MAP3K9: variants seen among roughly 807,000 people sequenced by gnomAD.
The protein encoded by MAP3K9 is mitogen-activated protein kinase kinase kinase 9.
MAP3K9 carries 46 observed loss-of-function variants against 95.8 expected under a neutral mutation model. The ratio of observed to expected loss-of-function variants is 0.48; its 90% CI spans 0.38 to 0.61. The LOEUF (loss-of-function observed/expected upper bound fraction) is 0.61, where lower values mean the gene tolerates loss of function less well. Ranked by LOEUF, MAP3K9 falls within the 20% of genes least tolerant of loss-of-function variation. MAP3K9 has a pLI of 0.00. For missense variants in MAP3K9, 1,296 were observed against 1,474.3 expected (o/e 0.88, Z 1.98); for synonymous variants, 533 against 593.8 (o/e 0.90, Z 1.49).
Position 70,725,723 on chromosome 14 carries a change from C to T in MAP3K9, c.*4657G>A, listed in dbSNP as rs2053811098. ...TAACAATAGTATACCTTGACAAAGA[C>T]AAGTCATTCTCAGACCTAAAGCCAA... On this transcript the variant is annotated 3_prime_UTR_variant, in exon 12 of 12. Coordinates refer to ENST00000554752, the MANE Select transcript of MAP3K9 (RefSeq NM_001284230.2). The T allele has an allele frequency of 6.6e-6, 1 of 152,160 alleles. No homozygotes were observed. The highest frequency in any genetic ancestry group is 2.4e-5 in the African/African-American group (1 of 41,426). 9.4% of individuals were successfully genotyped at this position (152,160 alleles called of 1,614,324 possible).
At chr14:70,759,147 A>G (rs1222415504) in intron 3 of MAP3K9, among the ~76,000 whole-genome samples, 3 of 152,156 alleles carry the variant, frequency 2.0e-5, no homozygotes, top group Non-Finnish European at 4.4e-5. Flanking sequence ...TTGGATGATA[A>G]AAATGTTCTG....
intron 10 of MAP3K9, 82 bp from the exon 11 acceptor site, chr14:70,733,424 C>T (rs750388154): frequency 1.5e-6 from 1 of 648,356 alleles, no homozygotes; most frequent in East Asian, 2.7e-5. Context: ...TTCCCCTCAC[C>T]CCAGGCCTCC....
intron 2 of MAP3K9, chr14:70,783,225 G>T: frequency 3.1e-6 from 3 of 980,426 alleles, no homozygotes; most frequent in Non-Finnish European, 3.6e-6. Flanking sequence ...AGACTCACAT[G>T]TTAGAAGCCC....
intron 2 of MAP3K9, among the ~76,000 whole-genome samples, chr14:70,773,735 T>C (rs1040812083): frequency 6.6e-6 from 1 of 152,194 alleles, no homozygotes. Flanking sequence ...TCTTGGACCA[T>C]GAGGACATGA....
intron 9 of MAP3K9, 148 bp from the exon 10 acceptor site, chr14:70,734,646 G>A (rs1398065056): frequency 1.7e-6 from 1 of 601,552 alleles, no homozygotes; most frequent in Non-Finnish European, 3.0e-6. Flanking sequence ...CTCTTACCAA[G>A]CCCACCTGCT....
At chr14:70,739,168 C>T (rs903388746) in intron 7 of MAP3K9, among the ~76,000 whole-genome samples, 28 of 152,304 alleles carry the variant, frequency 1.8e-4, no homozygotes, top group Admixed American at 9.1e-4. Flanking sequence ...CTCACTCTGT[C>T]GCCCATGCTG....
intron 2 of MAP3K9, among the ~76,000 whole-genome samples, chr14:70,780,282 A>G (rs1256842874): frequency 2.0e-5 from 3 of 152,212 alleles, no homozygotes; most frequent in Admixed American, 2.0e-4. Flanking sequence ...GGAGGATAGA[A>G]GGAGACATGA....
At chr14:70,751,508 C>T (rs1286390272) in intron 3 of MAP3K9, among the ~76,000 whole-genome samples, 2 of 152,172 alleles carry the variant, frequency 1.3e-5, no homozygotes. Flanking sequence ...CACTTGAGGT[C>T]AGGAGTTCAA....
intron 5 of MAP3K9, among the ~76,000 whole-genome samples, chr14:70,743,740 C>T (rs926771283): frequency 7.2e-5 from 11 of 152,200 alleles, no homozygotes; most frequent in Non-Finnish European, 8.8e-5. Context: ...AACAGGAATG[C>T]TTTTACACTG....
chr14:70,766,670 G>C (rs1035330562), intron 2 of MAP3K9, among the ~76,000 whole-genome samples: 3 of 152,160 alleles, frequency 2.0e-5, no homozygotes, highest in African/African-American at 7.2e-5. Context: ...CTCCAAACCA[G>C]ACACAGAAAG....
intron 2 of MAP3K9, chr14:70,783,171 C>G: frequency 1.4e-6 from 1 of 700,008 alleles, no homozygotes; most frequent in Non-Finnish European, 1.8e-6. Context: ...TAAAATTGGC[C>G]AGATTCATGG....
At chr14:70,756,038 T>C (rs2054294008) in intron 3 of MAP3K9, among the ~76,000 whole-genome samples, 1 of 152,146 alleles carries the variant, frequency 6.6e-6, no homozygotes, top group Non-Finnish European at 1.5e-5. Flanking sequence ...TTTAGGATCA[T>C]GGTTATAGGG....
At position 70,728,946 on chromosome 14, in the gene MAP3K9, A is replaced by G. The variant is rs912287810; in HGVS notation, c.*1434T>C. The G allele has an allele frequency of 1.3e-5, 2 of 152,262 alleles. No individual in the cohort carries two copies. The highest frequency in any genetic ancestry group is 4.8e-5 in the African/African-American group (2 of 41,462). 9.4% of individuals were successfully genotyped at this position (152,262 alleles called of 1,614,324 possible). A position where few individuals can be genotyped will look rare whatever the true frequency, so the allele number is the denominator to read the frequency against. On this transcript the variant is annotated 3_prime_UTR_variant, in exon 12 of 12. Transcript: ENST00000554752. Reference sequence around the variant, plus strand: ...CCCACATAAAGACAACTGTTCACACATAACACAGGAGGCCTCAGAGTAGTG... The same window carrying G: ...CCCACATAAAGACAACTGTTCACACGTAACACAGGAGGCCTCAGAGTAGTG...
chr14:70,733,177 G>C lies in MAP3K9; in HGVS notation c.2192C>G (p.Pro731Arg), dbSNP rs2053936286. The C allele has an allele frequency of 6.2e-7, 1 of 1,610,874 alleles. No individual in the cohort carries two copies. Among genetic ancestry groups the C allele is most frequent in the Non-Finnish European group, 8.5e-7 (1 of 1,177,702 alleles). The change falls in exon 11 of 12, where the codon CCT (proline) becomes CGT (arginine). Residue 731 changes from proline to arginine, a missense_variant. Physicochemically the swap from Pro to Arg is moderately radical, Grantham distance 103. Around this residue, in one of 5 missense-constraint regions of MAP3K9, gnomAD observed 377 missense variants for 417.1 expected, o/e 0.90. Coordinates refer to ENST00000554752, the MANE Select transcript of MAP3K9 (RefSeq NM_001284230.2). ...PTPVNSATST[P>R]QLTPTNSLKR... ...GAGGCTGTTGGTTGGCGTCAGCTGAGGGGTACTCGTGGCCGAGTTGACTGG... is the reference window on the plus strand; with the variant it reads ...GAGGCTGTTGGTTGGCGTCAGCTGACGGGTACTCGTGGCCGAGTTGACTGG...
rs28641013 is a variant in MAP3K9 at position 70,745,670 on chromosome 14, G to A, written c.1327-3079C>T. On this transcript the variant is annotated intron_variant, in intron 5 of 11. Transcript: ENST00000554752. ...GGAGAATTGCTTGAACCCGGGAGGT[G>A]GAGGTTGCAGTGAGCCGAGATCATG... 2.9e-3 allele frequency among the ~76,000 whole-genome samples: 443 copies of A among 151,970 alleles called. 1 individual carries two copies. Among genetic ancestry groups the A allele is most frequent in the African/African-American group, 0.01 (416 of 41,434 alleles).
At position 70,730,351 on chromosome 14, in the gene MAP3K9, C is replaced by G. The variant is rs1231223330; in HGVS notation, c.*29G>C. 2 of 1,581,982 alleles carry G rather than the reference C, an allele frequency of 1.3e-6. No individual in the cohort carries two copies. The highest frequency in any genetic ancestry group is 4.5e-5 in the East Asian group (2 of 44,302). On this transcript the variant is annotated 3_prime_UTR_variant, in exon 12 of 12. Transcript: ENST00000554752. Reference sequence around the variant, plus strand: ...AGCTCCCCTCATCTCCGCTGGCTGTCCCCCTTGCCCGCCCCAATCCTTTTC... The same window carrying G: ...AGCTCCCCTCATCTCCGCTGGCTGTGCCCCTTGCCCGCCCCAATCCTTTTC...
chr14:70,784,058 C>T (rs981552562), intron 2 of MAP3K9, among the ~76,000 whole-genome samples: 4 of 152,084 alleles, frequency 2.6e-5, no homozygotes, highest in Admixed American at 2.6e-4. Flanking sequence ...CCGAGGCAGG[C>T]AGATAGCCTG....
intron 9 of MAP3K9, 28 bp downstream of exon 9, chr14:70,735,933 C>T (rs4141095): frequency 0.89 from 1,361,557 of 1,529,088 alleles, 607,387 homozygotes; most frequent in Middle Eastern, 0.92. Flanking sequence ...ACCAGGACAG[C>T]TGGTGAAAGG....
At chr14:70,794,146 A>T (rs2054836245) in intron 2 of MAP3K9, among the ~76,000 whole-genome samples, 1 of 152,214 alleles carries the variant, frequency 6.6e-6, no homozygotes, top group African/African-American at 2.4e-5. Context: ...CAAGGAGGAA[A>T]GGGGAGACCA....
Sources: allele counts gnomAD v4.1 joint callset (sites outside exome capture counted in the v4.1 genomes callset), GRCh38; gene constraint gnomAD v4.1.1; regional missense constraint gnomAD v4.1.1; transcripts MANE v1.5; gene names NCBI Gene and HGNC (gene_info 2026-07-23, HGNC 2026-07-21).